The following CCDC102B variants were observed in gnomAD, a reference collection of about 807,000 sequenced individuals.
CCDC102B encodes coiled-coil domain containing 102B, also known as coiled-coil domain-containing protein 102B.
In CCDC102B, 75 loss-of-function variants were observed where a neutral mutation model predicts 57.4. The ratio of observed to expected loss-of-function variants is 1.31; its 90% confidence interval spans 1.08 to 1.58. CCDC102B has a LOEUF of 1.58. Among genes scored for constraint, CCDC102B ranks in the 40% most tolerant of loss-of-function variants. CCDC102B has a pLI of 0.00. For missense variants in CCDC102B, 636 were observed against 582.6 expected, an observed-to-expected ratio of 1.09 and a Z score of -0.94; for synonymous variants, 206 against 201.9, an observed-to-expected ratio of 1.02 and a Z score of -0.17.
At chr18:68,876,645 T>C (rs2039460466) in intron 5 of CCDC102B, among the ~76,000 whole-genome samples, 1 of 152,182 alleles carries the variant, frequency 6.6e-6, no homozygotes. Context: ...ATATGATGAA[T>C]ATATTAGAAA....
chr18:68,993,526 A>G (rs2050933393), intron 6 of CCDC102B, among the ~76,000 whole-genome samples: 2 of 152,336 alleles, frequency 1.3e-5, no homozygotes, highest in South Asian at 4.1e-4. Context: ...GTCTTTTACT[A>G]CATATTAGTG....
intron 6 of CCDC102B, among the ~76,000 whole-genome samples, chr18:68,969,038 G>A (rs1259138635): frequency 1.3e-5 from 2 of 151,896 alleles, no homozygotes; most frequent in Non-Finnish European, 2.9e-5. Context: ...TTGCATATTT[G>A]AAGAGCTCAG....
At chr18:68,861,743 C>T (rs2038769199) in intron 4 of CCDC102B, among the ~76,000 whole-genome samples, 1 of 152,196 alleles carries the variant, frequency 6.6e-6, no homozygotes, top group South Asian at 2.1e-4. Flanking sequence ...ACCGAATACT[C>T]TGTGGGCCCC....
chr18:68,997,833 C>A (rs918845441), intron 6 of CCDC102B, among the ~76,000 whole-genome samples: 12 of 68,682 alleles, frequency 1.7e-4, no homozygotes, highest in Non-Finnish European at 4.3e-4. Context: ...TATAATTTAT[C>A]ATTTATCATT....
chr18:68,816,557 T>C (rs951169328), intron 1 of CCDC102B, among the ~76,000 whole-genome samples: 22 of 145,664 alleles, frequency 1.5e-4, no homozygotes, highest in African/African-American at 5.6e-4. Context: ...GCTCCGCCTC[T>C]CGGATTCACG....
chr18:68,963,891 G>A (rs2050107417), intron 6 of CCDC102B, among the ~76,000 whole-genome samples: 2 of 151,714 alleles, frequency 1.3e-5, no homozygotes, highest in Non-Finnish European at 2.9e-5. Context: ...ATTTATGGAT[G>A]GTATCATCAT....
intron 2 of CCDC102B, among the ~76,000 whole-genome samples, chr18:68,737,547 G>T (rs2033198676): frequency 6.6e-6 from 1 of 151,872 alleles, no homozygotes; most frequent in Non-Finnish European, 1.5e-5. Flanking sequence ...TATGTGAAGG[G>T]AGGGTTTTCT....
chr18:68,781,722 A>G (rs1218660595), intron 2 of CCDC102B, among the ~76,000 whole-genome samples: 1 of 152,192 alleles, frequency 6.6e-6, no homozygotes, highest in Non-Finnish European at 1.5e-5. Context: ...AAAATTGTCT[A>G]GAGCTTATCT....
intron 2 of CCDC102B, among the ~76,000 whole-genome samples, chr18:68,775,759 T>C (rs1371647219): frequency 1.3e-5 from 2 of 150,964 alleles, no homozygotes; most frequent in Admixed American, 1.3e-4. Flanking sequence ...GTTCAAGTGA[T>C]TCTCCTGCCT....
chr18:68,998,711 G>A (rs1288817628), intron 6 of CCDC102B, among the ~76,000 whole-genome samples: 1 of 151,700 alleles, frequency 6.6e-6, no homozygotes, highest in Non-Finnish European at 1.5e-5. Context: ...GAAGCATCCA[G>A]CATGGGAGAA....
At chr18:68,750,511 G>A (rs1220711954) in intron 2 of CCDC102B, among the ~76,000 whole-genome samples, 3 of 152,062 alleles carry the variant, frequency 2.0e-5, no homozygotes, top group Admixed American at 6.5e-5. Flanking sequence ...TATGTTTATT[G>A]TGGCACTATT....
chr18:68,827,152 A>G (rs2036937855), intron 1 of CCDC102B, among the ~76,000 whole-genome samples: 2 of 152,148 alleles, frequency 1.3e-5, no homozygotes, highest in African/African-American at 4.8e-5. Flanking sequence ...TAAAAGCGAG[A>G]ACTACCCTTA....
intron 2 of CCDC102B, among the ~76,000 whole-genome samples, chr18:68,717,032 G>A (rs569710102): frequency 2.1e-4 from 32 of 149,454 alleles, no homozygotes; most frequent in Admixed American, 1.0e-3. Context: ...AGTTGAAATC[G>A]CGCCACTGCA....
At chr18:68,792,537 A>G (rs1470199354) in intron 2 of CCDC102B, among the ~76,000 whole-genome samples, 1 of 152,248 alleles carries the variant, frequency 6.6e-6, no homozygotes. Context: ...CTTAAAAACA[A>G]CTATTGCCAG....
At chr18:68,765,378 A>AAAGT (rs1568239061) in intron 2 of CCDC102B, among the ~76,000 whole-genome samples, 3 of 132,616 alleles carry the variant, frequency 2.3e-5, no homozygotes, top group African/African-American at 8.6e-5. Flanking sequence ...AGAAAGAAAG[A>AAAGT]AAAGAAAGAA....
At chr18:68,974,493 C>T (rs2050382467) in intron 6 of CCDC102B, among the ~76,000 whole-genome samples, 1 of 151,842 alleles carries the variant, frequency 6.6e-6, no homozygotes, top group Non-Finnish European at 1.5e-5. Context: ...ATCTGTCCAC[C>T]TTTTTTTCTA....
At chr18:68,844,301 A>T (rs1431585044) in intron 3 of CCDC102B, among the ~76,000 whole-genome samples, 1 of 151,760 alleles carries the variant, frequency 6.6e-6, no homozygotes, top group African/African-American at 2.4e-5. Context: ...TCTATTATAA[A>T]TAAAATAATT....
chr18:68,758,843 C>T (rs2034146377), intron 2 of CCDC102B, among the ~76,000 whole-genome samples: 1 of 150,996 alleles, frequency 6.6e-6, no homozygotes, highest in Non-Finnish European at 1.5e-5. Context: ...CCAAATCCTT[C>T]CCCATCCCTA....
chr18:68,737,561 ACT>A (rs2033199475), intron 2 of CCDC102B, among the ~76,000 whole-genome samples: 1 of 151,222 alleles, frequency 6.6e-6, no homozygotes, highest in African/African-American at 2.4e-5. Context: ...GTTTTCTCAA[ACT>A]CTCATTGCTG....
Sources: gnomAD v4.1 joint callset for allele counts (sites outside exome capture counted in the v4.1 genomes callset) on GRCh38, gnomAD v4.1.1 for gene constraint, MANE v1.5 for transcripts, NCBI Gene and HGNC (gene_info 2026-07-23, HGNC 2026-07-21) for gene names.